Variants in MEPCE observed in about 807,000 individuals in gnomAD.
MEPCE encodes methylphosphate capping enzyme, also known as 7SK snRNA methylphosphate capping enzyme.
Under a neutral mutation model 52.3 loss-of-function variants are expected in MEPCE, and 9 were observed. The ratio of observed to expected loss-of-function variants is 0.17; its 90% CI spans 0.10 to 0.30. The LOEUF is 0.30. MEPCE is among the 10% of genes least tolerant of loss of function. The pLI, the probability that MEPCE is intolerant of heterozygous loss-of-function variation, is 1.00. For synonymous variants in MEPCE, 477 were observed against 401.6 expected, an observed-to-expected ratio of 1.19 and a Z score of -2.25; for missense variants, 826 against 933.0, an observed-to-expected ratio of 0.89 and a Z score of 1.49.
At chr7:100,429,776 G>C, upstream of MEPCE, 1 of 386,384 alleles carries the variant, frequency 2.6e-6, no homozygotes. Context: ...TGGCGGAGGA[G>C]AAAGGGGTCG....
At chr7:100,432,563 AC>A (rs1319059702) in intron 1 of MEPCE, among the ~76,000 whole-genome samples, 3 of 152,198 alleles carry the variant, frequency 2.0e-5, no homozygotes, top group African/African-American at 7.2e-5. Flanking sequence ...TGGGTTAGTT[AC>A]CCTTGCAGAA....
chr7:100,430,232 G>C lies in MEPCE; in HGVS notation c.214G>C (p.Ala72Pro). ...AAAVGRESPG[A>P]AATSSSGPQA... ...TGCGGTCGGTCGGGAAAGCCCCGGG[G>C]CCGCGGCCACCTCCTCCAGTGGTCC... Residue 72 changes from alanine to proline, a missense_variant, in exon 1 of 4, where the codon GCC becomes CCC. Physicochemically the swap from Ala to Pro is conservative, Grantham distance 27. Transcript: ENST00000310512. The C allele has an allele frequency of 1.5e-6, 2 of 1,336,998 alleles. No homozygotes were observed. The highest frequency in any genetic ancestry group is 1.9e-6 in the Non-Finnish European group (2 of 1,048,614). 82.8% of individuals were successfully genotyped at this position (1,336,998 alleles called of 1,614,324 possible).
intron 1 of MEPCE, among the ~76,000 whole-genome samples, chr7:100,432,356 G>A (rs1798743187): frequency 6.6e-6 from 1 of 152,178 alleles, no homozygotes; most frequent in South Asian, 2.1e-4. Context: ...CAGTTAGGCT[G>A]CCTACTGGGA....
upstream of MEPCE, chr7:100,429,159 G>C (rs1194600542): frequency 6.6e-6 from 1 of 152,206 alleles, no homozygotes; most frequent in South Asian, 2.1e-4. Flanking sequence ...GGGCAGAGGG[G>C]GGGAGGTTTG....
rs1253522738 is a variant in MEPCE, at chr7:100,430,570, C to A, written c.552C>A (p.Asn184Lys). ...ACTGTGACTCTGTGTTACCCTCCAA[C>A]TTCCTCCTGGGGGGCAATATCTTTG... is the stretch of plus-strand genomic sequence containing the variant. ...NSDCDSVLPS[N>K]FLLGGNIFDP... Residue 184 changes from asparagine (N) to lysine (K), a missense_variant, in exon 1 of 4, where the codon AAC (asparagine) becomes AAA (lysine). By Grantham distance (94) the Asn-to-Lys change is moderately conservative. Transcript: ENST00000310512. The A allele has an allele frequency of 1.9e-6, 3 of 1,601,542 alleles. No homozygotes were observed. Among genetic ancestry groups the A allele is most frequent in the South Asian group, 1.1e-5 (1 of 90,456 alleles).
At position 100,432,123 on chromosome 7, in the gene MEPCE, G is replaced by A. The variant is rs1798735740; in HGVS notation, c.1671+434G>A. On this transcript the variant is annotated intron_variant, in intron 1 of 3. Coordinates refer to ENST00000310512, the MANE Select transcript of MEPCE (RefSeq NM_019606.6). ...TTAGGGTAGCGACAGACTAATACTG[G>A]CGTTTCTGCCCTTTGATAGCCACCT... Among the ~76,000 whole-genome samples, 3 of 152,172 alleles carry A rather than the reference G, an allele frequency of 2.0e-5. No homozygotes were observed. In the South Asian group the frequency reaches 6.2e-4, roughly 31 times the overall value.
At chr7:100,428,938 G>A (rs1469170058), upstream of MEPCE, 2 of 152,400 alleles carry the variant, frequency 1.3e-5, 1 homozygote, top group Non-Finnish European at 2.9e-5. Context: ...AGAGGAGCCA[G>A]AGAACGACTC....
Position 100,430,511 on chromosome 7 carries a change from C to A in MEPCE, c.493C>A (p.Pro165Thr). The A allele has an allele frequency of 1.9e-6, 3 of 1,581,850 alleles. No individual in the cohort carries two copies. The highest frequency in any genetic ancestry group is 2.6e-6 in the Non-Finnish European group (3 of 1,164,560). Residue 165 changes from proline (P) to threonine (T), a missense_variant, in exon 1 of 4, where the codon CCG becomes ACG. Transcript: ENST00000310512. The stretch of plus-strand genomic sequence containing the variant: ...GGGAGGCGGGGGAGGCTTCAAACAT[C>A]CGGCCTTCAAGAGGCGCAGGCGGGT... ...VGGGGGGFKH[P>T]AFKRRRRVNS...
At position 100,430,733 on chromosome 7, in the gene MEPCE, C is replaced by G; in HGVS notation, c.715C>G (p.Leu239Val). The G allele has an allele frequency of 6.2e-7, 1 of 1,613,920 alleles. No individual in the cohort carries two copies. The highest frequency in any genetic ancestry group is 8.5e-7 in the Non-Finnish European group (1 of 1,180,016). ...ILIPKDITDP[L>V]SLNTCTDEGH... ...CATCCCCAAAGATATTACTGACCCGCTCAGTCTCAATACTTGCACTGATGA... is the reference window on the plus strand; with the variant it reads ...CATCCCCAAAGATATTACTGACCCGGTCAGTCTCAATACTTGCACTGATGA... The change falls in exon 1 of 4, where the codon CTC (leucine) becomes GTC (valine). Residue 239 changes from leucine to valine, a missense_variant. Transcript: ENST00000310512.
chr7:100,431,700 C>T lies in MEPCE; in HGVS notation c.1671+11C>T. 1 of 1,566,958 alleles carries T rather than the reference C, an allele frequency of 6.4e-7. No homozygotes were observed. The highest frequency in any genetic ancestry group is 8.6e-7 in the Non-Finnish European group (1 of 1,160,822). On this transcript the variant is annotated intron_variant, in intron 1 of 3. Coordinates refer to ENST00000310512, the MANE Select transcript of MEPCE (RefSeq NM_019606.6). Reference sequence around the variant, plus strand: ...GTTGTCTTCGTCACGGTAAGAGGGTCCAGAGGCTCTTGGAATAGGGGCCAG... The same window carrying T: ...GTTGTCTTCGTCACGGTAAGAGGGTTCAGAGGCTCTTGGAATAGGGGCCAG...
rs114954254 is a variant in MEPCE, at chr7:100,429,864, A to G, written c.-155A>G. Reference sequence around the variant, plus strand: ...TTGGTCTCGCGGGCTAGTAGGGCGCACTTGGCGGGGAGGCGCTTGGGCGCG... The same window carrying G: ...TTGGTCTCGCGGGCTAGTAGGGCGCGCTTGGCGGGGAGGCGCTTGGGCGCG... On this transcript the variant is annotated 5_prime_UTR_variant, in exon 1 of 4. Coordinates refer to ENST00000310512, the MANE Select transcript of MEPCE (RefSeq NM_019606.6). 1 of 570,526 alleles carries G rather than the reference A, an allele frequency of 1.8e-6. No homozygotes were observed. The highest frequency in any genetic ancestry group is 2.6e-6 in the Non-Finnish European group (1 of 384,644). 35.3% of individuals were successfully genotyped at this position (570,526 alleles called of 1,614,324 possible).
chr7:100,431,839 T>A, intron 1 of MEPCE, 150 bp downstream of exon 1: 1 of 743,964 alleles, frequency 1.3e-6, no homozygotes, highest in Non-Finnish European at 2.1e-6. Flanking sequence ...TCCCCTCTTA[T>A]AACCTGGAAA....
upstream of MEPCE, chr7:100,428,861 C>A (rs1046389095): frequency 6.6e-6 from 1 of 152,158 alleles, no homozygotes; most frequent in Non-Finnish European, 1.5e-5. Flanking sequence ...GGGTTCGGGT[C>A]GTGGGTGTTG....
Position 100,430,028 on chromosome 7 carries a change from A to G in MEPCE, c.10A>G (p.Met4Val). Reference protein sequence around the residue: MIEMAAEKEPFLVP... With the variant: MIEVAAEKEPFLVP... ...GGAATAAGGGGAGGAAATGATCGAG[A>G]TGGCGGCGGAGAAGGAGCCGTTTCT... The change falls in exon 1 of 4, where the codon ATG becomes GTG. Residue 4 changes from methionine (M) to valine (V), a missense_variant. This residue lies in a region of MEPCE where 314 missense variants were observed against 277.7 expected (regional missense o/e 1.13). Coordinates refer to ENST00000310512, the MANE Select transcript of MEPCE (RefSeq NM_019606.6). The G allele has an allele frequency of 7.9e-7, 1 of 1,272,008 alleles. No homozygotes were observed. The allele number at this position is 1,272,008 out of a possible 1,614,324, so 78.8% of individuals were successfully genotyped here. A position where few individuals can be genotyped will look rare whatever the true frequency, so the allele number is the denominator to read the frequency against.
At position 100,433,155 on chromosome 7, in the gene MEPCE, G is replaced by A. The variant is rs767987354; in HGVS notation, c.1890+18G>A. ...CTCTTACAGTGAGTTGGGTGTTGGG[G>A]GAATAGTCATTCCTTTGGTTGAGGC... On this transcript the variant is annotated intron_variant, in intron 2 of 3. Transcript: ENST00000310512. 5 of 1,613,662 alleles carry A rather than the reference G, an allele frequency of 3.1e-6. No homozygotes were observed. In the South Asian group the frequency reaches 3.3e-5, roughly 11 times the overall value.
At chr7:100,429,056 C>T (rs916116439), upstream of MEPCE, 3 of 152,194 alleles carry the variant, frequency 2.0e-5, no homozygotes, top group Non-Finnish European at 2.9e-5. Flanking sequence ...TTATAATGAC[C>T]TATCGCGTTT....
In MEPCE at chr7:100,433,916, G is replaced by A. The variant is rs1037637304; in HGVS notation, c.*362G>A. 3.0e-5 allele frequency: 8 copies of A among 262,414 alleles called. No individual in the cohort carries two copies. The highest frequency in any genetic ancestry group is 5.0e-5 in the Admixed American group (1 of 19,958). 16.3% of individuals were successfully genotyped at this position (262,414 alleles called of 1,614,324 possible). A position where few individuals can be genotyped will look rare whatever the true frequency, so the allele number is the denominator to read the frequency against. On this transcript the variant is annotated 3_prime_UTR_variant, in exon 4 of 4. Coordinates refer to ENST00000310512, the MANE Select transcript of MEPCE (RefSeq NM_019606.6). ...AGGAGAGAGATTCCCATTTCTCCTC[G>A]GCCATTGTACCTAGCTCTTGTCCCT...
chr7:100,429,511 A>G (rs1798429533), upstream of MEPCE: 2 of 152,628 alleles, frequency 1.3e-5, no homozygotes, highest in South Asian at 2.1e-4. Flanking sequence ...TCCCCCGCCT[A>G]CGGTGGGTGG....
chr7:100,428,795 G>A (rs1461820925), upstream of MEPCE: 2 of 152,246 alleles, frequency 1.3e-5, no homozygotes, highest in Admixed American at 1.3e-4. Context: ...TGGGTGTTGA[G>A]AGGCCCGCGA....
Sources: gnomAD v4.1 joint callset for allele counts (sites outside exome capture counted in the v4.1 genomes callset) on GRCh38, gnomAD v4.1.1 for gene constraint, gnomAD v4.1.1 regional missense constraint, MANE v1.5 for transcripts, NCBI Gene and HGNC (gene_info 2026-07-23, HGNC 2026-07-21) for gene names.